The following ADCY10 variants were observed in gnomAD, a reference collection of about 807,000 sequenced individuals.
ADCY10 encodes the protein adenylate cyclase 10.
A neutral mutation model predicts 183.3 loss-of-function variants in ADCY10; 156 were observed. That is an observed-to-expected ratio of 0.85 (90% CI 0.75 to 0.97). The LOEUF (loss-of-function observed/expected upper bound fraction) is 0.97, where lower values mean the gene tolerates loss of function less well. Ranked by LOEUF, ADCY10 falls within the 50% of genes least tolerant of loss-of-function variation. ADCY10 has a pLI of 0.00. For missense variants in ADCY10, 1,745 were observed against 1,934.3 expected (o/e 0.90, Z 1.84); for synonymous variants, 645 against 670.0 (o/e 0.96, Z 0.58).
chr1:167,819,508 C>T (rs1662745377), intron 30 of ADCY10, among the ~76,000 whole-genome samples: 2 of 151,048 alleles, frequency 1.3e-5, no homozygotes, highest in South Asian at 4.2e-4. Flanking sequence ...CAAAGTGCTG[C>T]GATTACAGGC....
intron 13 of ADCY10, among the ~76,000 whole-genome samples, chr1:167,874,570 G>GGCATAATCGACCAAAATT (rs71301005): frequency 0.34 from 51,666 of 151,938 alleles, 9,788 homozygotes; most frequent in African/African-American, 0.5. Flanking sequence ...AAAACTATTT[G>GGCATAATCGACCAAAATT]GCACCCTTTG....
intron 31 of ADCY10, among the ~76,000 whole-genome samples, chr1:167,811,871 T>G (rs1166859170): frequency 2.0e-5 from 3 of 152,210 alleles, no homozygotes; most frequent in African/African-American, 7.2e-5. Flanking sequence ...ACCAACTATC[T>G]GTAGCCCCAC....
intron 12 of ADCY10, among the ~76,000 whole-genome samples, chr1:167,875,672 T>C (rs772762308): frequency 2.5e-4 from 38 of 152,220 alleles, no homozygotes; most frequent in Non-Finnish European, 4.7e-4. Context: ...ACTACTTGGC[T>C]GGGCGCAGTG....
chr1:167,826,799 G>T lies in ADCY10; in HGVS notation c.3751-1944C>A, dbSNP rs1368529806. On this transcript the variant is annotated intron_variant, in intron 26 of 32. Transcript: ENST00000367851. Reference sequence around the variant, plus strand: ...AATACCTATTAAAACAGAGTGACAAGTTAGAAAGTGAATGGGTGGCCATGA... The same window carrying T: ...AATACCTATTAAAACAGAGTGACAATTTAGAAAGTGAATGGGTGGCCATGA... Among the ~76,000 whole-genome samples, 3 of 152,164 alleles carry T rather than the reference G, an allele frequency of 2.0e-5. No individual in the cohort carries two copies. In the East Asian group the frequency reaches 5.8e-4, roughly 29 times the overall value.
Position 167,823,020 on chromosome 1 carries a change from G to C in ADCY10, c.4156C>G (p.Leu1386Val). The change falls in exon 29 of 33, where the codon CTG (leucine) becomes GTG (valine). Residue 1386 changes from leucine (L) to valine (V), a missense_variant. Transcript: ENST00000367851. ...AACCCACACTTACCAGAATAAAGCAGGATGTCCAAGCAGACAAAATAGAAA... is the reference window on the plus strand; with the variant it reads ...AACCCACACTTACCAGAATAAAGCACGATGTCCAAGCAGACAAAATAGAAA... Reference protein sequence around the residue: ...AFFYFVCLDILLYSGFVYRTF... With the variant: ...AFFYFVCLDIVLYSGFVYRTF... 1 of 1,613,992 alleles carries C rather than the reference G, an allele frequency of 6.2e-7. No individual in the cohort carries two copies. Among genetic ancestry groups the C allele is most frequent in the Non-Finnish European group, 8.5e-7 (1 of 1,179,934 alleles).
At chr1:167,882,484 C>CAAAAAAA (rs71100909) in intron 9 of ADCY10, among the ~76,000 whole-genome samples, 2 of 71,134 alleles carry the variant, frequency 2.8e-5, no homozygotes, top group Non-Finnish European at 2.8e-5. Flanking sequence ...GATTCCGTCT[C>CAAAAAAA]AAAAAAAAAA....
intron 1 of ADCY10, among the ~76,000 whole-genome samples, chr1:167,907,772 T>G (rs1190372274): frequency 6.6e-6 from 1 of 152,248 alleles, no homozygotes; most frequent in Non-Finnish European, 1.5e-5. Flanking sequence ...GAGACTGCTA[T>G]AGACAATGTA....
At chr1:167,839,835 T>C (rs1664482832) in intron 21 of ADCY10, among the ~76,000 whole-genome samples, 1 of 152,234 alleles carries the variant, frequency 6.6e-6, no homozygotes, top group Admixed American at 6.5e-5. Flanking sequence ...TAAATGTTTG[T>C]TGCATAAACG....
rs904777660 is a variant in ADCY10 at position 167,823,005 on chromosome 1, T to G, written c.4168+3A>C. ...TTCTTTTACATCCCAAACCCACACT[T>G]ACCAGAATAAAGCAGGATGTCCAAG... On this transcript the variant is annotated splice_donor_region_variant and intron_variant, in intron 29 of 32. Transcript: ENST00000367851. The G allele has an allele frequency of 1.2e-6, 2 of 1,613,144 alleles. No individual in the cohort carries two copies. The highest frequency in any genetic ancestry group is 1.7e-6 in the Non-Finnish European group (2 of 1,179,354).
Position 167,844,622 on chromosome 1 carries a change from A to T in ADCY10, c.3007+941T>A, listed in dbSNP as rs188724417. Among the ~76,000 whole-genome samples the T allele has an allele frequency of 1.2e-4, 19 of 152,330 alleles. 1 individual carries two copies. The East Asian group carries it at 3.5e-3, about 28-fold the overall frequency. On this transcript the variant is annotated intron_variant, in intron 21 of 32. Transcript: ENST00000367851. ...AAGCTTCCAGAACCACAATTTAAAAAATCTATACAATGAAAACAACCCTCA... is the reference window on the plus strand; with the variant it reads ...AAGCTTCCAGAACCACAATTTAAAATATCTATACAATGAAAACAACCCTCA...
chr1:167,810,638 TG>T, intron 32 of ADCY10, 86 bp downstream of exon 32: 2 of 1,267,772 alleles, frequency 1.6e-6, no homozygotes, highest in Non-Finnish European at 2.3e-6. Flanking sequence ...AATGGCAGCC[TG>T]GTGAAACCTA....
intron 9 of ADCY10, among the ~76,000 whole-genome samples, chr1:167,881,705 A>G (rs546263863): frequency 6.6e-6 from 1 of 152,374 alleles, no homozygotes; most frequent in South Asian, 2.1e-4. Flanking sequence ...CATTTGAGAC[A>G]AATACTATCC....
intron 30 of ADCY10, chr1:167,820,025 A>G (rs1056751597): frequency 1.9e-6 from 3 of 1,571,570 alleles, no homozygotes; most frequent in Non-Finnish European, 2.6e-6. Flanking sequence ...CTTTTTTCCT[A>G]TGACTCCCAG....
intron 1 of ADCY10, among the ~76,000 whole-genome samples, chr1:167,908,324 G>A (rs1367254305): frequency 2.6e-5 from 4 of 152,112 alleles, no homozygotes; most frequent in Admixed American, 1.3e-4. Flanking sequence ...AATATTGAAC[G>A]ATCTCACTTA....
intron 30 of ADCY10, chr1:167,820,083 T>G: frequency 6.4e-7 from 1 of 1,568,110 alleles, no homozygotes; most frequent in Non-Finnish European, 8.7e-7. Context: ...AGATAAAATT[T>G]GGCTATGGTT....
intron 18 of ADCY10, among the ~76,000 whole-genome samples, chr1:167,848,995 A>G (rs930391868): frequency 2.6e-5 from 4 of 152,186 alleles, no homozygotes; most frequent in African/African-American, 4.8e-5. Flanking sequence ...GATGTACTCA[A>G]AAATGTTTTG....
At chr1:167,811,289 CAA>C (rs1340139143) in intron 31 of ADCY10, among the ~76,000 whole-genome samples, 1 of 152,108 alleles carries the variant, frequency 6.6e-6, no homozygotes, top group Admixed American at 6.5e-5. Flanking sequence ...GTCCTAGAAA[CAA>C]GTAAAAAGCT....
rs148759465 is a variant in ADCY10 at position 167,882,250 on chromosome 1, C to T, written c.1020+1187G>A. 3.7e-3 allele frequency among the ~76,000 whole-genome samples: 566 copies of T among 151,982 alleles called. 5 individuals are homozygous for T. The highest frequency in any genetic ancestry group is 0.013 in the African/African-American group (532 of 41,458). On this transcript the variant is annotated intron_variant, in intron 9 of 32. Transcript: ENST00000367851. ...CTGTAATCCCAGCACTTTGGGAGGC[C>T]GAGGCAGGTGGATCACTTGAGGTCA...
At chr1:167,860,796 G>A in intron 15 of ADCY10, 75 bp downstream of exon 15, 1 of 1,266,734 alleles carries the variant, frequency 7.9e-7, no homozygotes, top group East Asian at 2.3e-5. Context: ...GAGATGCTAA[G>A]TCACAATGCA....
Sources: allele counts gnomAD v4.1 joint callset (sites outside exome capture counted in the v4.1 genomes callset), GRCh38; gene constraint gnomAD v4.1.1; transcripts MANE v1.5; gene names NCBI Gene and HGNC (gene_info 2026-07-23, HGNC 2026-07-21).